Variants in REDIC1 observed in about 807,000 individuals in gnomAD.
The protein encoded by REDIC1 is regulator of DNA class I crossover intermediates 1.
chr12:39,872,004 A>G, the REDIC1 span: 1 of 1,454,976 alleles, frequency 6.9e-7, no homozygotes, highest in Non-Finnish European at 9.1e-7. Context: ...ATAGTTACCC[A>G]AAGAAACAGG....
At chr12:39,653,492 G>GTCTTCTTCTTCT in the REDIC1 span, among the ~76,000 whole-genome samples, 294 of 54,298 alleles carry the variant, frequency 5.4e-3, 6 homozygotes, top group African/African-American at 6.8e-3. Context: ...CAATCTGGAT[G>GTCTTCTTCTTCT]TCTTCTTCTT....
the REDIC1 span, among the ~76,000 whole-genome samples, chr12:39,643,161 G>A: frequency 6.6e-6 from 1 of 151,540 alleles, no homozygotes; most frequent in Non-Finnish European, 1.5e-5. Flanking sequence ...AATTAATGAT[G>A]TAACCTGAAA....
chr12:39,867,120 C>T, the REDIC1 span, among the ~76,000 whole-genome samples: 182 of 152,232 alleles, frequency 1.2e-3, 1 homozygote, highest in African/African-American at 3.9e-3. Context: ...TAAAACAAAA[C>T]AAAACGAACC....
chr12:39,720,779 CT>C, the REDIC1 span: 7 of 1,589,966 alleles, frequency 4.4e-6, no homozygotes, highest in African/African-American at 1.4e-5. Context: ...TTATTAATTT[CT>C]TTTTAGCCAT....
At chr12:39,809,025 T>C in the REDIC1 span, among the ~76,000 whole-genome samples, 1 of 152,170 alleles carries the variant, frequency 6.6e-6, no homozygotes, top group African/African-American at 2.4e-5. Flanking sequence ...TCCTTATAAA[T>C]GTTTTATGAT....
the REDIC1 span, among the ~76,000 whole-genome samples, chr12:39,665,783 C>T: frequency 6.6e-6 from 1 of 151,748 alleles, no homozygotes; most frequent in Non-Finnish European, 1.5e-5. Context: ...TGAAGAGTTC[C>T]TTCACATCCC....
At chr12:39,878,642 G>A in the REDIC1 span, among the ~76,000 whole-genome samples, 3 of 152,190 alleles carry the variant, frequency 2.0e-5, no homozygotes, top group Non-Finnish European at 4.4e-5. Flanking sequence ...CCTCAGATGA[G>A]GGAGAAAAGG....
chr12:39,699,931 C>G, the REDIC1 span, among the ~76,000 whole-genome samples: 1 of 152,254 alleles, frequency 6.6e-6, no homozygotes, highest in Admixed American at 6.5e-5. Flanking sequence ...CACCAAAAAC[C>G]CATCTGTACA....
chr12:39,812,996 A>ATTTTTTTTTTTTTTT, the REDIC1 span, among the ~76,000 whole-genome samples: 28 of 40,616 alleles, frequency 6.9e-4, 11 homozygotes, highest in South Asian at 3.8e-3. Context: ...TGCCCAGCTA[A>ATTTTTTTTTTTTTTT]TTTTTTTTTT....
chr12:39,843,132 G>A, the REDIC1 span, among the ~76,000 whole-genome samples: 2 of 151,914 alleles, frequency 1.3e-5, no homozygotes, highest in Non-Finnish European at 2.9e-5. Flanking sequence ...TTGGGTATAT[G>A]CCCAAGGGTG....
At chr12:39,770,310 A>C in the REDIC1 span, among the ~76,000 whole-genome samples, 3 of 152,142 alleles carry the variant, frequency 2.0e-5, no homozygotes, top group Non-Finnish European at 4.4e-5. Flanking sequence ...CAGAGTTGCT[A>C]TGAACATCTA....
the REDIC1 span, among the ~76,000 whole-genome samples, chr12:39,821,971 A>G: frequency 6.6e-6 from 1 of 152,134 alleles, no homozygotes. Context: ...CACAATGTGC[A>G]GGTTAGTTAC....
chr12:39,689,632 G>A, the REDIC1 span, among the ~76,000 whole-genome samples: 274 of 152,264 alleles, frequency 1.8e-3, no homozygotes, highest in African/African-American at 6.0e-3. Flanking sequence ...CACATTTCAG[G>A]TTGGAGGGTA....
chr12:39,845,487 C>T, the REDIC1 span, among the ~76,000 whole-genome samples: 1 of 152,194 alleles, frequency 6.6e-6, no homozygotes, highest in South Asian at 2.1e-4. Context: ...CAGTGCTTTC[C>T]TTCTCAGTTC....
chr12:39,830,124 G>A, the REDIC1 span: 1 of 1,613,670 alleles, frequency 6.2e-7, no homozygotes, highest in African/African-American at 1.3e-5. Context: ...TGCCTCATTT[G>A]TAGATGCTTT....
chr12:39,690,297 T>C, the REDIC1 span, among the ~76,000 whole-genome samples: 61 of 152,172 alleles, frequency 4.0e-4, no homozygotes, highest in African/African-American at 1.4e-3. Context: ...TGGGAGAGAA[T>C]AGGAAAGAAC....
chr12:39,878,131 G>A, the REDIC1 span, among the ~76,000 whole-genome samples: 2 of 152,162 alleles, frequency 1.3e-5, no homozygotes, highest in Non-Finnish European at 2.9e-5. Flanking sequence ...GCCTACATAG[G>A]AGTAAACCAA....
At chr12:39,774,923 C>T in the REDIC1 span, among the ~76,000 whole-genome samples, 1 of 152,212 alleles carries the variant, frequency 6.6e-6, no homozygotes, top group Middle Eastern at 3.4e-3. Flanking sequence ...GGTGATGAGA[C>T]TATAGCAATA....
chr12:39,827,186 C>T, the REDIC1 span, among the ~76,000 whole-genome samples: 1 of 151,714 alleles, frequency 6.6e-6, no homozygotes, highest in Non-Finnish European at 1.5e-5. Context: ...ACTTTTCATT[C>T]AATTTATTTA....
Sources: allele counts gnomAD v4.1 joint callset (sites outside exome capture counted in the v4.1 genomes callset), GRCh38; gene constraint gnomAD v4.1.1; transcripts MANE v1.5; gene names NCBI Gene and HGNC (gene_info 2026-07-23, HGNC 2026-07-21).